Variants in GSDMC observed in about 807,000 individuals in gnomAD.
GSDMC encodes gasdermin C, also known as gasdermin-C.
In GSDMC, 59 loss-of-function variants were observed where a neutral mutation model predicts 58.0. The observed-to-expected ratio is 1.02, with a 90% confidence interval of 0.82 to 1.26. The LOEUF is 1.26. Ranked by LOEUF, GSDMC falls within the 50% of genes most tolerant of loss-of-function variation. The pLI, the probability that GSDMC is intolerant of heterozygous loss-of-function variation, is 0.00. For synonymous variants in GSDMC, 241 were observed against 220.2 expected, an observed-to-expected ratio of 1.09 and a Z score of -0.83; for missense variants, 659 against 598.5, an observed-to-expected ratio of 1.10 and a Z score of -1.06.
the GSDMC span, among the ~76,000 whole-genome samples, chr8:129,717,690 C>G: frequency 1.3e-5 from 2 of 151,810 alleles, no homozygotes; most frequent in Non-Finnish European, 2.9e-5. Flanking sequence ...CATATGGAAC[C>G]AAAAAAGAGA....
intron 1 of GSDMC, among the ~76,000 whole-genome samples, chr8:129,781,112 A>G (rs1168559713): frequency 6.6e-6 from 1 of 152,198 alleles, no homozygotes; most frequent in Non-Finnish European, 1.5e-5. Context: ...AGGAAGAAGA[A>G]AAAGAAGAAA....
At chr8:129,754,821 T>G (rs1339248380) in intron 6 of GSDMC, among the ~76,000 whole-genome samples, 1 of 152,098 alleles carries the variant, frequency 6.6e-6, no homozygotes, top group African/African-American at 2.4e-5. Flanking sequence ...GTTGACATAC[T>G]GAAGAATGCC....
intron 4 of GSDMC, among the ~76,000 whole-genome samples, chr8:129,764,064 T>C (rs2033771819): frequency 1.3e-5 from 2 of 152,222 alleles, no homozygotes; most frequent in South Asian, 2.1e-4. Context: ...GAAAATAAAA[T>C]ATTATCTCTT....
At chr8:129,730,270 A>G in the GSDMC span, 2 of 1,361,018 alleles carry the variant, frequency 1.5e-6, no homozygotes, top group Non-Finnish European at 1.0e-6. Context: ...AGATCAGAGA[A>G]AATAAGAACA....
At chr8:129,731,345 G>T in the GSDMC span, among the ~76,000 whole-genome samples, 1 of 152,214 alleles carries the variant, frequency 6.6e-6, no homozygotes, top group Non-Finnish European at 1.5e-5. Context: ...TGCAGCTAGT[G>T]GATCAGGTCT....
chr8:129,759,649 A>G (rs1187556549), intron 6 of GSDMC, among the ~76,000 whole-genome samples: 1 of 152,216 alleles, frequency 6.6e-6, no homozygotes, highest in East Asian at 1.9e-4. Flanking sequence ...AATGCAAATC[A>G]AAACTACAAT....
chr8:129,728,555 A>T, the GSDMC span, among the ~76,000 whole-genome samples: 1 of 152,178 alleles, frequency 6.6e-6, no homozygotes, highest in African/African-American at 2.4e-5. Flanking sequence ...GTGTACCCCC[A>T]ATGAGCACCA....
chr8:129,747,044 G>A (rs1010238581), downstream of GSDMC, among the ~76,000 whole-genome samples: 1 of 150,968 alleles, frequency 6.6e-6, no homozygotes, highest in Non-Finnish European at 1.5e-5. Context: ...GAGGCCAGGA[G>A]TTCAAGACCA....
In GSDMC at chr8:129,783,249, G is replaced by A. The variant is rs1382817713; in HGVS notation, c.-5+2762C>T. 3.4e-5 allele frequency among the ~76,000 whole-genome samples: 5 copies of A among 148,296 alleles called. No individual in the cohort carries two copies. The South Asian group carries it at 6.3e-4, about 19-fold the overall frequency. On this transcript the variant is annotated intron_variant, in intron 1 of 13. Coordinates refer to ENST00000276708, the MANE Select transcript of GSDMC (RefSeq NM_031415.3). ...CATATATTACAGACTCACTCAATGG[G>A]GGAAAAGAGAAAAACATAAAGGGCA...
At chr8:129,775,181 T>A (rs2034182205) in intron 3 of GSDMC, among the ~76,000 whole-genome samples, 2 of 152,060 alleles carry the variant, frequency 1.3e-5, no homozygotes, top group South Asian at 4.1e-4. Flanking sequence ...TGTCAACAGA[T>A]GAATGGAAAA....
chr8:129,751,786 A>C lies in GSDMC; in HGVS notation c.916+76T>G. On this transcript the variant is annotated intron_variant, in intron 9 of 13. Transcript: ENST00000276708. ...AGGGCGGTGGTGGCAAAGGCGAGGC[A>C]GGGGCAATCTGCCCTACTTACCCCA... 2.1e-6 allele frequency: 3 copies of C among 1,436,240 alleles called. No individual in the cohort carries two copies. The South Asian group carries it at 3.5e-5, about 17-fold the overall frequency. 89.0% of individuals were successfully genotyped at this position (1,436,240 alleles called of 1,614,324 possible).
chr8:129,762,570 G>A (rs2033707171), intron 5 of GSDMC, 56 bp downstream of exon 5: 1 of 1,004,094 alleles, frequency 1.0e-6, no homozygotes, highest in Middle Eastern at 2.1e-4. Flanking sequence ...TCTCTCATAG[G>A]AGAAGCAGAC....
chr8:129,766,963 A>C (rs1029752979), intron 3 of GSDMC, among the ~76,000 whole-genome samples: 2 of 152,224 alleles, frequency 1.3e-5, no homozygotes, highest in Non-Finnish European at 2.9e-5. Flanking sequence ...CAATCACTGC[A>C]TGGATCTTGG....
intron 1 of GSDMC, among the ~76,000 whole-genome samples, chr8:129,782,447 C>G (rs778607179): frequency 2.0e-5 from 3 of 151,494 alleles, no homozygotes; most frequent in Non-Finnish European, 4.4e-5. Context: ...AAAAGATAAA[C>G]AAAATAGACA....
At chr8:129,765,855 TCTGGGTGC>T in intron 3 of GSDMC, 62 bp from the exon 4 acceptor site, 1 of 1,438,660 alleles carries the variant, frequency 7.0e-7, no homozygotes, top group South Asian at 1.2e-5. Flanking sequence ...TTCAGGTTAC[TCTGGGTGC>T]CCTTCTCCCC....
the GSDMC span, among the ~76,000 whole-genome samples, chr8:129,714,287 T>A: frequency 1.3e-5 from 2 of 152,200 alleles, no homozygotes; most frequent in Non-Finnish European, 2.9e-5. Context: ...TTATTGCCGC[T>A]CCAGAGATAG....
At position 129,777,490 on chromosome 8, in the gene GSDMC, A is replaced by G. The variant is rs371192399; in HGVS notation, c.98T>C (p.Leu33Ser). 31 of 1,613,054 alleles carry G rather than the reference A, an allele frequency of 1.9e-5. No homozygotes were observed. The highest frequency in any genetic ancestry group is 2.5e-5 in the Non-Finnish European group (30 of 1,179,020). The change falls in exon 2 of 14, where the codon TTA becomes TCA. Residue 33 changes from leucine to serine, a missense_variant. Transcript: ENST00000276708. ...CTTTCGTAATATAACAAACTGACGT[A>G]ATTTGGTGGCACTCAATAGGTATTT... ...PVKYLLSATKLRQFVILRKKK... is the reference protein window; with the variant it reads ...PVKYLLSATKSRQFVILRKKK...
At chr8:129,726,247 T>C in the GSDMC span, among the ~76,000 whole-genome samples, 5 of 152,188 alleles carry the variant, frequency 3.3e-5, no homozygotes, top group African/African-American at 1.2e-4. Context: ...ATACAATCAA[T>C]GTAGTGTTTC....
chr8:129,779,637 T>C (rs941405050), intron 1 of GSDMC, among the ~76,000 whole-genome samples: 1 of 150,932 alleles, frequency 6.6e-6, no homozygotes, highest in Admixed American at 6.6e-5. Flanking sequence ...AAAATATATA[T>C]ATAATTAAAA....
Sources: gnomAD v4.1 joint callset for allele counts (sites outside exome capture counted in the v4.1 genomes callset) on GRCh38, gnomAD v4.1.1 for gene constraint, MANE v1.5 for transcripts, NCBI Gene and HGNC (gene_info 2026-07-23, HGNC 2026-07-21) for gene names.